The following OLA1 variants were observed in gnomAD, a reference collection of about 807,000 sequenced individuals.
The protein encoded by OLA1 is obg-like ATPase 1.
A neutral mutation model predicts 48.4 loss-of-function variants in OLA1; 14 were observed. That is an observed-to-expected ratio of 0.29 (90% CI 0.19 to 0.45). OLA1 has a LOEUF of 0.45. Among genes scored for constraint, OLA1 ranks in the 20% least tolerant of loss-of-function variants. The pLI is 1.00. For missense variants in OLA1, 325 were observed against 467.1 expected (o/e 0.70, Z 2.80); for synonymous variants, 127 against 150.4 (o/e 0.84, Z 1.14).
intron 4 of OLA1, among the ~76,000 whole-genome samples, chr2:174,211,271 C>T (rs1378414480): frequency 6.6e-6 from 1 of 151,900 alleles, no homozygotes; most frequent in Non-Finnish European, 1.5e-5. Flanking sequence ...TATGGTAGAA[C>T]AGAGTGTACA....
intron 4 of OLA1, among the ~76,000 whole-genome samples, chr2:174,146,670 A>C (rs1281913320): frequency 6.6e-6 from 1 of 152,206 alleles, no homozygotes; most frequent in Non-Finnish European, 1.5e-5. Flanking sequence ...AAAAACTAGG[A>C]GTATGCTCTT....
At chr2:174,242,412 ACTCGCCTGCTG>A (rs1430819333) in intron 2 of OLA1, among the ~76,000 whole-genome samples, 1 of 152,036 alleles carries the variant, frequency 6.6e-6, no homozygotes, top group Non-Finnish European at 1.5e-5. Flanking sequence ...GGGAATGCTC[ACTCGCCTGCTG>A]CTCGCCTCCT....
intron 5 of OLA1, among the ~76,000 whole-genome samples, chr2:174,138,289 T>A (rs1407326761): frequency 6.6e-6 from 1 of 152,220 alleles, no homozygotes; most frequent in Non-Finnish European, 1.5e-5. Context: ...TATTAATATT[T>A]GGCCCAATTT....
intron 7 of OLA1, among the ~76,000 whole-genome samples, chr2:174,121,302 T>C (rs992875741): frequency 1.3e-5 from 2 of 152,158 alleles, no homozygotes; most frequent in Non-Finnish European, 2.9e-5. Flanking sequence ...CACTCATAAA[T>C]ATATGACAAA....
intron 7 of OLA1, among the ~76,000 whole-genome samples, chr2:174,111,957 A>T (rs2105359779): frequency 6.6e-6 from 1 of 152,342 alleles, no homozygotes; most frequent in South Asian, 2.1e-4. Context: ...AATAGTTTTT[A>T]GAGAGAAGTC....
chr2:174,246,715 C>T lies in OLA1; in HGVS notation c.101G>A (p.Gly34Glu). ...CACAAAAGCCCCAACGTTCACCTAC[C>T]CAACATTTGGCAATCCAACAATACC... is the stretch of plus-strand genomic sequence containing the variant. ...KIGIVGLPNVGKSTFFNVLTN... is the reference protein window; with the variant it reads ...KIGIVGLPNVEKSTFFNVLTN... The change falls in exon 2 of 11, where the codon GGG becomes GAG. Residue 34 changes from glycine to glutamate, a missense_variant and splice_region_variant. Physicochemically the swap from Gly to Glu is moderately conservative, Grantham distance 98. Transcript: ENST00000284719. The T allele has an allele frequency of 1.3e-6, 2 of 1,593,792 alleles. No individual in the cohort carries two copies. Among genetic ancestry groups the T allele is most frequent in the Non-Finnish European group, 1.7e-6 (2 of 1,163,522 alleles).
chr2:174,085,317 G>A (rs1186213699), intron 7 of OLA1, among the ~76,000 whole-genome samples: 1 of 152,190 alleles, frequency 6.6e-6, no homozygotes, highest in Non-Finnish European at 1.5e-5. Context: ...AGGTGAGTGG[G>A]GAACGAGCAT....
intron 7 of OLA1, among the ~76,000 whole-genome samples, chr2:174,093,710 T>C (rs1685180101): frequency 6.6e-6 from 1 of 152,212 alleles, no homozygotes; most frequent in African/African-American, 2.4e-5. Context: ...TCACGAGATA[T>C]GAAGCCAATA....
chr2:174,074,725 GGTCA>G lies in OLA1; in HGVS notation c.*697_*700del. 2 of 152,312 alleles carry G rather than the reference GGTCA, an allele frequency of 1.3e-5. No homozygotes were observed. The highest frequency in any genetic ancestry group is 3.9e-4 in the East Asian group (2 of 5,180). 9.4% of individuals were successfully genotyped at this position (152,312 alleles called of 1,614,324 possible). The stretch of plus-strand genomic sequence containing the variant: ...TTTGAGACAGAATTTTCTTCTTTGT[GGTCA>G]GTCACCTATCTCATATCCCTCATAA... On this transcript the variant is annotated 3_prime_UTR_variant, in exon 11 of 11. Transcript: ENST00000284719.
At chr2:174,245,930 T>TGTATAGAGTTATGG (rs1199076706) in intron 2 of OLA1, among the ~76,000 whole-genome samples, 2 of 151,286 alleles carry the variant, frequency 1.3e-5, no homozygotes, top group East Asian at 4.0e-4. Context: ...AAGTTGCGTG[T>TGTATAGAGTTATGG]GTATAGAGTT....
At chr2:174,094,429 C>G (rs778771667) in intron 7 of OLA1, among the ~76,000 whole-genome samples, 28 of 152,114 alleles carry the variant, frequency 1.8e-4, no homozygotes, top group Non-Finnish European at 3.7e-4. Flanking sequence ...ACTGACAAGT[C>G]AATCCTAAAA....
chr2:174,191,204 T>C (rs1003402208), intron 4 of OLA1, among the ~76,000 whole-genome samples: 6 of 152,052 alleles, frequency 3.9e-5, no homozygotes, highest in Admixed American at 1.3e-4. Context: ...TACGAAAACA[T>C]CATGTTGTAC....
intron 4 of OLA1, among the ~76,000 whole-genome samples, chr2:174,176,207 G>A (rs1687416492): frequency 6.6e-6 from 1 of 152,008 alleles, no homozygotes; most frequent in African/African-American, 2.4e-5. Context: ...GTCTGGAGAA[G>A]ACACCATACA....
chr2:174,223,581 A>C (rs1443117305), intron 3 of OLA1, among the ~76,000 whole-genome samples: 1 of 152,120 alleles, frequency 6.6e-6, no homozygotes, highest in Non-Finnish European at 1.5e-5. Flanking sequence ...ATCTCACTTC[A>C]AAGTTCAAAT....
chr2:174,219,170 C>T (rs143840348), intron 4 of OLA1, among the ~76,000 whole-genome samples: 2 of 151,386 alleles, frequency 1.3e-5, no homozygotes, highest in Non-Finnish European at 1.5e-5. Context: ...TGGCCGGACA[C>T]GGTGGCTCAT....
At position 174,222,600 on chromosome 2, in the gene OLA1, T is replaced by C. The variant is rs560511742; in HGVS notation, c.373+433A>G. 2.6e-5 allele frequency among the ~76,000 whole-genome samples: 4 copies of C among 152,330 alleles called. No individual in the cohort carries two copies. The East Asian group carries it at 7.7e-4, about 29-fold the overall frequency. ...TAGCTGATCTATAGTTTCTCTTTAA[T>C]CCTTTCATCTCTAATAGATAACCCA... On this transcript the variant is annotated intron_variant, in intron 4 of 10. Transcript: ENST00000284719.
chr2:174,221,281 G>C (rs1688496684), intron 4 of OLA1, among the ~76,000 whole-genome samples: 1 of 151,934 alleles, frequency 6.6e-6, no homozygotes, highest in Non-Finnish European at 1.5e-5. Flanking sequence ...CCCCACAAGG[G>C]TTAGAAAATC....
chr2:174,229,504 A>G (rs2105456129), intron 2 of OLA1, 53 bp from the exon 3 acceptor site: 1 of 1,328,728 alleles, frequency 7.5e-7, no homozygotes, highest in Non-Finnish European at 1.1e-6. Context: ...ACCAAGAAAA[A>G]TTTATCTCAC....
chr2:174,123,149 A>G, intron 7 of OLA1, 31 bp downstream of exon 7: 1 of 981,524 alleles, frequency 1.0e-6, no homozygotes, highest in Non-Finnish European at 1.6e-6. Flanking sequence ...GAGATGATGC[A>G]TCTGGGTATA....
Sources: gnomAD v4.1 joint callset for allele counts (sites outside exome capture counted in the v4.1 genomes callset) on GRCh38, gnomAD v4.1.1 for gene constraint, MANE v1.5 for transcripts, NCBI Gene and HGNC (gene_info 2026-07-23, HGNC 2026-07-21) for gene names.